The following WWOX variants were observed in gnomAD, a reference collection of about 807,000 sequenced individuals.
WWOX encodes WW domain containing oxidoreductase, also known as WW domain-containing oxidoreductase.
WWOX carries 69 observed loss-of-function variants against 46.2 expected under a neutral mutation model. The observed-to-expected ratio is 1.49, with a 90% CI of 1.23 to 1.82. The LOEUF (loss-of-function observed/expected upper bound fraction) is 1.82. Ranked by LOEUF, WWOX falls within the 40% of genes most tolerant of loss-of-function variation. The probability of loss-of-function intolerance (pLI) is 0.00; values close to 1 mark genes in which losing one functional copy is unlikely to be tolerated. For synonymous variants in WWOX, 359 were observed against 202.6 expected (o/e 1.77, Z -6.56); for missense variants, 919 against 542.6 (o/e 1.69, Z -6.89).
chr16:78,793,160 T>A (rs7198122), intron 8 of WWOX, among the ~76,000 whole-genome samples: 1 of 152,024 alleles, frequency 6.6e-6, no homozygotes, highest in Non-Finnish European at 1.5e-5. Context: ...GCAACTGCTG[T>A]CTCATGGGAT....
intron 5 of WWOX, among the ~76,000 whole-genome samples, chr16:78,190,020 T>C (rs965277072): frequency 1.3e-5 from 2 of 152,212 alleles, no homozygotes; most frequent in Non-Finnish European, 2.9e-5. Flanking sequence ...GTGGCAGCTG[T>C]TATCTTGTCC....
chr16:79,185,497 A>G (rs545109798), intron 8 of WWOX, among the ~76,000 whole-genome samples: 1 of 696 alleles, frequency 1.4e-3, no homozygotes, highest in African/African-American at 4.6e-3. Context: ...GAGATGTGAC[A>G]CCTCCTGCCC....
intron 6 of WWOX, among the ~76,000 whole-genome samples, chr16:78,422,663 GTA>G (rs569996246): frequency 0.023 from 567 of 24,406 alleles, 110 homozygotes; most frequent in Middle Eastern, 0.11. Context: ...TTTTTTACAT[GTA>G]TATATATATA....
intron 8 of WWOX, among the ~76,000 whole-genome samples, chr16:78,455,959 G>A (rs567104769): frequency 6.6e-6 from 1 of 152,312 alleles, no homozygotes; most frequent in South Asian, 2.1e-4. Context: ...GCTGGCATAG[G>A]CCGGCAGTGG....
At chr16:78,884,900 C>G (rs1031473441) in intron 8 of WWOX, among the ~76,000 whole-genome samples, 1 of 152,188 alleles carries the variant, frequency 6.6e-6, no homozygotes, top group African/African-American at 2.4e-5. Flanking sequence ...AAAGCACAAT[C>G]AATGCATTCC....
intron 8 of WWOX, among the ~76,000 whole-genome samples, chr16:78,985,166 A>G (rs1210019580): frequency 5.3e-5 from 8 of 152,180 alleles, no homozygotes; most frequent in Admixed American, 5.2e-4. Context: ...AGAGGCTGCC[A>G]TGACATCGGC....
chr16:78,882,469 A>G (rs1198986601), intron 8 of WWOX, among the ~76,000 whole-genome samples: 2 of 142,258 alleles, frequency 1.4e-5, no homozygotes, highest in Non-Finnish European at 3.0e-5. Context: ...TTAACACACC[A>G]TACATCTTTT....
At chr16:78,502,134 G>A (rs2085085732) in intron 8 of WWOX, among the ~76,000 whole-genome samples, 1 of 152,108 alleles carries the variant, frequency 6.6e-6, no homozygotes, top group Admixed American at 6.5e-5. Flanking sequence ...GCTTTGCAGG[G>A]CCTATCTGCC....
At chr16:78,869,159 G>A (rs551470192) in intron 8 of WWOX, among the ~76,000 whole-genome samples, 26 of 152,222 alleles carry the variant, frequency 1.7e-4, no homozygotes, top group East Asian at 1.4e-3. Context: ...TTGTATATAC[G>A]TTTTAGTCAA....
intron 8 of WWOX, among the ~76,000 whole-genome samples, chr16:78,604,261 C>G (rs2045691421): frequency 6.6e-6 from 1 of 152,152 alleles, no homozygotes; most frequent in Non-Finnish European, 1.5e-5. Context: ...GGGCACCCTT[C>G]CTTATTTTCT....
intron 8 of WWOX, among the ~76,000 whole-genome samples, chr16:78,982,218 C>T (rs2046696701): frequency 6.6e-6 from 1 of 152,188 alleles, no homozygotes; most frequent in Non-Finnish European, 1.5e-5. Context: ...GAAATAGGAA[C>T]ATGAATTTGC....
chr16:78,117,515 G>T (rs1005300885), intron 4 of WWOX, among the ~76,000 whole-genome samples: 11 of 152,110 alleles, frequency 7.2e-5, no homozygotes, highest in South Asian at 2.1e-4. Context: ...TGCAGCAGTG[G>T]TATCAGGTCT....
intron 8 of WWOX, among the ~76,000 whole-genome samples, chr16:78,768,425 A>G (rs1186413508): frequency 6.6e-6 from 1 of 151,980 alleles, no homozygotes; most frequent in Non-Finnish European, 1.5e-5. Flanking sequence ...CCCGCTCTCT[A>G]CTAAAAATAC....
At chr16:78,312,337 CTTAT>C (rs762441292) in intron 5 of WWOX, among the ~76,000 whole-genome samples, 18 of 149,908 alleles carry the variant, frequency 1.2e-4, no homozygotes, top group Admixed American at 1.3e-4. Context: ...TAAGGAAACA[CTTAT>C]ATTGCTAGTG....
At chr16:79,016,677 C>CT (rs1197427899) in intron 8 of WWOX, 1 of 81,920 alleles carries the variant, frequency 1.2e-5, no homozygotes, top group African/African-American at 3.5e-5. Context: ...CCTGCATCGG[C>CT]TTCCCAAAGT....
In WWOX at chr16:78,349,177, C is replaced by CACT. The variant is rs2081145065; in HGVS notation, c.517-37683_517-37682insACT. ...CCACCGTGTTCTCACGTGACCTAGC[C>CACT]GCTGTGTGCACGCATCCCTGGTTTC... On this transcript the variant is annotated intron_variant, in intron 5 of 8. Transcript: ENST00000566780. Among the ~76,000 whole-genome samples, 2 of 120,764 alleles carry CACT rather than the reference C, an allele frequency of 1.7e-5. 1 individual carries two copies. Among genetic ancestry groups the CACT allele is most frequent in the African/African-American group, 5.6e-5 (2 of 35,620 alleles). 79.2% of individuals were successfully genotyped at this position (120,764 alleles called of 152,430 possible).
chr16:78,313,147 C>T (rs779937514), intron 5 of WWOX, among the ~76,000 whole-genome samples: 14 of 152,128 alleles, frequency 9.2e-5, no homozygotes, highest in Non-Finnish European at 1.6e-4. Context: ...ATGTAATGGG[C>T]AGAAAGGGCA....
intron 5 of WWOX, among the ~76,000 whole-genome samples, chr16:78,375,477 G>A (rs370508826): frequency 2.6e-5 from 4 of 152,192 alleles, no homozygotes; most frequent in South Asian, 2.1e-4. Flanking sequence ...TCCTGAAAAC[G>A]TGCTCAGTGC....
intron 5 of WWOX, among the ~76,000 whole-genome samples, chr16:78,221,170 A>G (rs958877647): frequency 2.0e-5 from 3 of 152,204 alleles, no homozygotes; most frequent in African/African-American, 7.2e-5. Context: ...GAGCTTAAAG[A>G]AAATAAATCT....
Sources: gnomAD v4.1 joint callset for allele counts (sites outside exome capture counted in the v4.1 genomes callset) on GRCh38, gnomAD v4.1.1 for gene constraint, MANE v1.5 for transcripts, NCBI Gene and HGNC (gene_info 2026-07-23, HGNC 2026-07-21) for gene names.